CRTC3: variants seen among roughly 807,000 people sequenced by gnomAD.
The protein encoded by CRTC3 is CREB regulated transcription coactivator 3, also known as CREB-regulated transcription coactivator 3.
CRTC3 carries 26 observed loss-of-function variants against 74.5 expected under a neutral mutation model. The observed-to-expected ratio is 0.35, with a 90% CI of 0.26 to 0.48. The LOEUF is 0.48. Among genes scored for constraint, CRTC3 ranks in the 20% least tolerant of loss-of-function variants. The pLI is 0.99. For synonymous variants in CRTC3, 377 were observed against 325.8 expected (o/e 1.16, Z -1.69); for missense variants, 760 against 787.3 (o/e 0.97, Z 0.41).
In CRTC3 at chr15:90,642,137, G is replaced by C. The variant is rs1969471703; in HGVS notation, c.1857G>C (p.Leu619=). 6.2e-7 allele frequency: 1 copy of C among 1,613,454 alleles called. No individual in the cohort carries two copies. The highest frequency in any genetic ancestry group is 8.5e-7 in the Non-Finnish European group (1 of 1,179,616). The part of the protein sequence containing the change: ...SVEETFRADR[L] ...AAGAGACGTTTCGAGCTGACAGACT[G>C]TGAACAGAAGGCAGTGGAACAGAAG... Residue 619 remains leucine, a synonymous_variant, in exon 15 of 15, where the codon CTG becomes CTC. Transcript: ENST00000268184.
intron 1 of CRTC3, among the ~76,000 whole-genome samples, chr15:90,535,698 GCT>G (rs1237022854): frequency 5.9e-5 from 9 of 152,120 alleles, no homozygotes; most frequent in Non-Finnish European, 1.3e-4. Context: ...AGATTAGCGA[GCT>G]CTCAGGATGG....
intron 2 of CRTC3, among the ~76,000 whole-genome samples, chr15:90,583,519 G>C (rs1248101845): frequency 6.6e-6 from 1 of 152,200 alleles, no homozygotes; most frequent in Non-Finnish European, 1.5e-5. Flanking sequence ...AAAAGGCATA[G>C]CCTCCAGGTT....
chr15:90,556,432 C>T (rs1966891965), intron 2 of CRTC3, among the ~76,000 whole-genome samples: 1 of 152,166 alleles, frequency 6.6e-6, no homozygotes. Flanking sequence ...ATATTTATTA[C>T]CTTAAGGATA....
chr15:90,602,955 A>G (rs1227981220), intron 4 of CRTC3, among the ~76,000 whole-genome samples: 1 of 151,984 alleles, frequency 6.6e-6, no homozygotes, highest in African/African-American at 2.4e-5. Context: ...GCCTGGTAAC[A>G]GAGTGAGACT....
At chr15:90,635,474 G>T (rs140678618) in intron 11 of CRTC3, among the ~76,000 whole-genome samples, 14 of 152,090 alleles carry the variant, frequency 9.2e-5, no homozygotes, top group African/African-American at 3.1e-4. Context: ...GTGAAACCCC[G>T]TCTCTACTAA....
chr15:90,625,999 TA>T lies in CRTC3; in HGVS notation c.967+7del. On this transcript the variant is annotated splice_region_variant and intron_variant, in intron 10 of 14. Transcript: ENST00000268184. ...GGGTATAAGAAGCTCCTCTGGTGAGTATCTCCTGCTTAGCAGTGACCTGGTG... is the reference window on the plus strand; with the variant it reads ...GGGTATAAGAAGCTCCTCTGGTGAGTTCTCCTGCTTAGCAGTGACCTGGTG... 6.2e-7 allele frequency: 1 copy of T among 1,610,192 alleles called. No homozygotes were observed.
chr15:90,540,274 A>G (rs1301531306), intron 2 of CRTC3, 137 bp downstream of exon 2: 4 of 608,464 alleles, frequency 6.6e-6, no homozygotes, highest in Non-Finnish European at 1.1e-5. Context: ...GTCCATTAAT[A>G]TTCTCTCTCA....
At chr15:90,554,206 C>CT (rs796624134) in intron 2 of CRTC3, among the ~76,000 whole-genome samples, 2,242 of 142,714 alleles carry the variant, frequency 0.016, 40 homozygotes, top group African/African-American at 0.046. Context: ...GGTGTTTCCT[C>CT]TTTTTTTTTT....
intron 3 of CRTC3, chr15:90,595,785 G>C (rs1003559070): frequency 6.6e-6 from 1 of 152,218 alleles, no homozygotes; most frequent in African/African-American, 2.4e-5. Flanking sequence ...AAAAAGAGGA[G>C]AATGTTTATT....
intron 2 of CRTC3, among the ~76,000 whole-genome samples, chr15:90,577,613 T>C (rs1364891517): frequency 6.6e-6 from 1 of 152,142 alleles, no homozygotes; most frequent in African/African-American, 2.4e-5. Context: ...CTATTTACAA[T>C]ATGGAATCAA....
At chr15:90,613,619 A>C (rs1968419163) in intron 6 of CRTC3, 1 of 152,224 alleles carries the variant, frequency 6.6e-6, no homozygotes, top group African/African-American at 2.4e-5. Context: ...TGTATAGACT[A>C]ATCAGGTTAA....
chr15:90,606,034 T>A (rs1007799946), intron 5 of CRTC3, among the ~76,000 whole-genome samples: 2 of 151,996 alleles, frequency 1.3e-5, no homozygotes, highest in African/African-American at 4.8e-5. Context: ...GGCGGGCGAA[T>A]CACCTGAGGT....
intron 2 of CRTC3, among the ~76,000 whole-genome samples, chr15:90,565,302 G>A (rs949074139): frequency 2.0e-4 from 31 of 152,134 alleles, no homozygotes; most frequent in African/African-American, 7.2e-4. Context: ...GATAATAATA[G>A]TAGCACTTCA....
intron 2 of CRTC3, among the ~76,000 whole-genome samples, chr15:90,554,206 C>CTT (rs796624134): frequency 7.7e-5 from 11 of 142,824 alleles, no homozygotes; most frequent in East Asian, 2.0e-4. Context: ...GGTGTTTCCT[C>CTT]TTTTTTTTTT....
intron 7 of CRTC3, among the ~76,000 whole-genome samples, 180 bp from the exon 8 acceptor site, chr15:90,617,703 A>C (rs1030338892): frequency 2.0e-5 from 3 of 151,758 alleles, no homozygotes; most frequent in African/African-American, 7.3e-5. Context: ...CTAATTTTTA[A>C]ATTTTTTGTA....
Position 90,633,765 on chromosome 15 carries a change from TC to T in CRTC3, c.1266+4234del, listed in dbSNP as rs1447786559. ...CTGGACTTTTCCTCTATTATCCTTA[TC>T]TTCTCTCTCTCCTCTTTTGCTTCTC... is the stretch of plus-strand genomic sequence containing the variant. On this transcript the variant is annotated intron_variant, in intron 11 of 14. Transcript: ENST00000268184. 3.9e-5 allele frequency among the ~76,000 whole-genome samples: 6 copies of T among 152,232 alleles called. No homozygotes were observed. The East Asian group carries it at 5.8e-4, about 15-fold the overall frequency.
At position 90,551,898 on chromosome 15, in the gene CRTC3, C is replaced by G. The variant is rs574510485; in HGVS notation, c.231+11761C>G. 1.0e-4 allele frequency among the ~76,000 whole-genome samples: 15 copies of G among 148,968 alleles called. 1 individual carries two copies. Among genetic ancestry groups the G allele is most frequent in the African/African-American group, 3.7e-4 (15 of 40,340 alleles). The stretch of plus-strand genomic sequence containing the variant: ...TCCTCTGAAAGGGTGTGTGGTAAGG[C>G]GCGCCCTTACATTACATTACATTAC... On this transcript the variant is annotated intron_variant, in intron 2 of 14. Coordinates refer to ENST00000268184, the MANE Select transcript of CRTC3 (RefSeq NM_022769.5).
intron 2 of CRTC3, among the ~76,000 whole-genome samples, chr15:90,545,611 C>T (rs1966842856): frequency 6.6e-6 from 1 of 151,564 alleles, no homozygotes; most frequent in Non-Finnish European, 1.5e-5. Context: ...GAGTCTCACT[C>T]TTTCGCCCAG....
At chr15:90,630,755 C>CCTT (rs1290271902) in intron 11 of CRTC3, among the ~76,000 whole-genome samples, 1 of 37,492 alleles carries the variant, frequency 2.7e-5, no homozygotes, top group Non-Finnish European at 6.5e-5. Context: ...ATTACAGCAT[C>CCTT]ATTTTTTTTT....
Sources: allele counts gnomAD v4.1 joint callset (sites outside exome capture counted in the v4.1 genomes callset), GRCh38; gene constraint gnomAD v4.1.1; transcripts MANE v1.5; gene names NCBI Gene and HGNC (gene_info 2026-07-23, HGNC 2026-07-21).